The following HDAC9 variants were observed in gnomAD, a reference collection of about 807,000 sequenced individuals.
HDAC9 encodes the protein MEF-2 interacting transcription repressor (MITR) protein.
HDAC9 carries 41 observed loss-of-function variants against 139.4 expected under a neutral mutation model. The ratio of observed to expected loss-of-function variants is 0.29; its 90% CI spans 0.23 to 0.38. HDAC9 has a LOEUF of 0.38. HDAC9 is among the 10% of genes least tolerant of loss of function. The probability of loss-of-function intolerance (pLI) is 1.00; values close to 1 mark genes in which losing one functional copy is unlikely to be tolerated. For synonymous variants in HDAC9, 517 were observed against 476.2 expected, an observed-to-expected ratio of 1.09 and a Z score of -1.12; for missense variants, 1,147 against 1,297.0, an observed-to-expected ratio of 0.88 and a Z score of 1.78.
At chr7:18,750,257 A>C (rs955154734) in intron 14 of HDAC9, among the ~76,000 whole-genome samples, 3 of 152,176 alleles carry the variant, frequency 2.0e-5, no homozygotes, top group Non-Finnish European at 4.4e-5. Context: ...TGGATAAAAA[A>C]ATTTTCTTTA....
chr7:18,400,754 T>C (rs1219937396), intron 1 of HDAC9, among the ~76,000 whole-genome samples: 2 of 152,054 alleles, frequency 1.3e-5, no homozygotes, highest in Non-Finnish European at 1.5e-5. Flanking sequence ...AGAAAGTAGA[T>C]GTACGATGAA....
intron 2 of HDAC9, among the ~76,000 whole-genome samples, chr7:18,236,004 T>A (rs2128186868): frequency 6.6e-6 from 1 of 152,328 alleles, no homozygotes; most frequent in East Asian, 1.9e-4. Flanking sequence ...ACTGTATGAA[T>A]CATCGTCAAG....
At chr7:18,619,504 T>G (rs1330226373) in intron 6 of HDAC9, among the ~76,000 whole-genome samples, 1 of 152,208 alleles carries the variant, frequency 6.6e-6, no homozygotes, top group Non-Finnish European at 1.5e-5. Flanking sequence ...TGCAGTGTTT[T>G]GAGGTTAGGA....
chr7:18,985,162 C>T (rs2526635), intron 25 of HDAC9, among the ~76,000 whole-genome samples: 2,869 of 151,924 alleles, frequency 0.019, 89 homozygotes, highest in African/African-American at 0.062. Flanking sequence ...CATGCTGGTG[C>T]GCTGCACCCA....
rs74384274 is a variant in HDAC9, at chr7:18,294,900, A to C, written c.-42+4385A>C. On this transcript the variant is annotated intron_variant, in intron 1 of 3. Transcript: ENST00000413509. ...ACAGAGTGAGAAATACTGTATAATTAATAGGACTTGGTAAACAATTGGATG... is the reference window on the plus strand; with the variant it reads ...ACAGAGTGAGAAATACTGTATAATTCATAGGACTTGGTAAACAATTGGATG... 2.8e-3 allele frequency among the ~76,000 whole-genome samples: 422 copies of C among 152,228 alleles called. 2 individuals are homozygous for C. Among genetic ancestry groups the C allele is most frequent in the African/African-American group, 9.3e-3 (388 of 41,540 alleles).
chr7:18,157,849 G>GAGACTGAGGA (rs1584379408), intron 1 of HDAC9, among the ~76,000 whole-genome samples: 1 of 144,474 alleles, frequency 6.9e-6, no homozygotes, highest in East Asian at 2.1e-4. Flanking sequence ...GAGAGAGAGA[G>GAGACTGAGGA]AGACTGAGGA....
In HDAC9 at chr7:18,766,904, G is replaced by A. The variant is rs192315138; in HGVS notation, c.2165-202G>A. The stretch of plus-strand genomic sequence containing the variant: ...TAAAATTTATATTGATTTGCTTTTA[G>A]TTCTTATTTGTGTATACAGATAGGC... On this transcript the variant is annotated intron_variant, in intron 15 of 25. Coordinates refer to ENST00000686413, the MANE Select transcript of HDAC9 (RefSeq NM_178425.4). Among the ~76,000 whole-genome samples, 285 of 152,208 alleles carry A rather than the reference G, an allele frequency of 1.9e-3. 1 individual carries two copies. Among genetic ancestry groups the A allele is most frequent in the Non-Finnish European group, 3.3e-3 (224 of 67,998 alleles).
intron 8 of HDAC9, among the ~76,000 whole-genome samples, chr7:18,635,987 A>G (rs1403838654): frequency 6.6e-6 from 1 of 152,150 alleles, no homozygotes; most frequent in African/African-American, 2.4e-5. Flanking sequence ...TAAATTATTT[A>G]TAAGTTATGA....
intron 12 of HDAC9, among the ~76,000 whole-genome samples, chr7:18,706,373 A>G (rs1374608012): frequency 6.6e-6 from 1 of 152,150 alleles, no homozygotes; most frequent in Admixed American, 6.5e-5. Flanking sequence ...GAAATTTGTT[A>G]GTAATAAAAT....
intron 21 of HDAC9, among the ~76,000 whole-genome samples, chr7:18,858,213 A>T (rs1391170229): frequency 1.3e-5 from 2 of 152,148 alleles, no homozygotes; most frequent in African/African-American, 4.8e-5. Flanking sequence ...GGAAAAATGG[A>T]TAATCAATGT....
chr7:18,980,600 G>T (rs1293018768), intron 25 of HDAC9, among the ~76,000 whole-genome samples: 1 of 151,888 alleles, frequency 6.6e-6, no homozygotes, highest in Non-Finnish European at 1.5e-5. Flanking sequence ...ACTTGATAAA[G>T]GTTTATTATT....
At chr7:18,973,458 A>G (rs1352071265) in intron 24 of HDAC9, among the ~76,000 whole-genome samples, 3 of 152,362 alleles carry the variant, frequency 2.0e-5, no homozygotes, top group East Asian at 1.9e-4. Context: ...AACTTGGGTA[A>G]TACTACAATA....
chr7:18,598,551 C>T (rs943295428), intron 6 of HDAC9, among the ~76,000 whole-genome samples: 2 of 152,144 alleles, frequency 1.3e-5, no homozygotes, highest in Admixed American at 1.3e-4. Context: ...AATAATTGCA[C>T]TTGGTTTGCA....
chr7:18,567,576 T>C lies in HDAC9; in HGVS notation c.23-17705T>C, dbSNP rs904499841. ...TGGAAAATAAGCAGAAGCCATTTGA[T>C]TCAGAATGCCTTTGCTAAGCTCTAT... On this transcript the variant is annotated intron_variant, in intron 2 of 25. Transcript: ENST00000686413. Among the ~76,000 whole-genome samples, 8 of 152,312 alleles carry C rather than the reference T, an allele frequency of 5.3e-5. No individual in the cohort carries two copies. The South Asian group carries it at 6.2e-4, about 12-fold the overall frequency.
At chr7:18,541,658 A>G (rs1180044269) in intron 2 of HDAC9, among the ~76,000 whole-genome samples, 3 of 152,224 alleles carry the variant, frequency 2.0e-5, no homozygotes, top group Non-Finnish European at 4.4e-5. Context: ...TGGAACAGAA[A>G]CAGGAATTCT....
At chr7:18,616,291 C>A (rs1838579757) in intron 6 of HDAC9, among the ~76,000 whole-genome samples, 2 of 26,732 alleles carry the variant, frequency 7.5e-5, no homozygotes, top group African/African-American at 1.0e-4. Context: ...ATTCTGCCTA[C>A]CCCAAGTGCT....
chr7:18,729,691 C>T (rs541468947), intron 13 of HDAC9, among the ~76,000 whole-genome samples: 7 of 152,182 alleles, frequency 4.6e-5, no homozygotes, highest in Admixed American at 2.0e-4. Context: ...TTTTCCCCCT[C>T]ATAATGTCAA....
chr7:18,401,224 A>G (rs985910185), intron 1 of HDAC9, among the ~76,000 whole-genome samples: 1 of 152,188 alleles, frequency 6.6e-6, no homozygotes, highest in Admixed American at 6.5e-5. Context: ...AGGGAACAAA[A>G]CAGCTTGATA....
chr7:18,373,979 C>G (rs1015312799), intron 1 of HDAC9, among the ~76,000 whole-genome samples: 1 of 151,632 alleles, frequency 6.6e-6, no homozygotes, highest in Non-Finnish European at 1.5e-5. Flanking sequence ...TTTATTGATA[C>G]TGTAAAAAAT....
Sources: gnomAD v4.1 joint callset for allele counts (sites outside exome capture counted in the v4.1 genomes callset) on GRCh38, gnomAD v4.1.1 for gene constraint, MANE v1.5 for transcripts, NCBI Gene and HGNC (gene_info 2026-07-23, HGNC 2026-07-21) for gene names.